CDH13: variants seen among roughly 807,000 people sequenced by gnomAD.
CDH13 encodes cadherin-13.
In CDH13, 24 loss-of-function variants were observed where a neutral mutation model predicts 63.8. The ratio of observed to expected loss-of-function variants is 0.38; its 90% CI spans 0.27 to 0.53. The LOEUF (loss-of-function observed/expected upper bound fraction) is 0.53, where lower values mean the gene tolerates loss of function less well. CDH13 is among the 20% of genes least tolerant of loss of function. The probability of loss-of-function intolerance (pLI) is 0.85; values close to 1 mark genes in which losing one functional copy is unlikely to be tolerated. For synonymous variants in CDH13, 503 were observed against 355.3 expected, an observed-to-expected ratio of 1.42 and a Z score of -4.67; for missense variants, 1,049 against 903.1, an observed-to-expected ratio of 1.16 and a Z score of -2.07.
chr16:82,972,434 C>T (rs1908896304), intron 2 of CDH13, among the ~76,000 whole-genome samples: 1 of 152,180 alleles, frequency 6.6e-6, no homozygotes, highest in African/African-American at 2.4e-5. Context: ...CACAGCCCAG[C>T]ATCTCATCTC....
chr16:82,966,413 T>C (rs1327993709), intron 2 of CDH13, among the ~76,000 whole-genome samples: 2 of 152,150 alleles, frequency 1.3e-5, no homozygotes, highest in Admixed American at 6.5e-5. Context: ...TCCCAAAGTG[T>C]TGGGATTACA....
chr16:83,391,256 A>G (rs1315620478), intron 6 of CDH13, among the ~76,000 whole-genome samples: 1 of 150,854 alleles, frequency 6.6e-6, no homozygotes, highest in South Asian at 2.1e-4. Context: ...CCCAGGATGG[A>G]CTGCAATAAC....
Position 82,644,127 on chromosome 16 carries a change from C to T in CDH13, c.45+16990C>T, listed in dbSNP as rs753206191. Among the ~76,000 whole-genome samples, 1 of 152,066 alleles carries T rather than the reference C, an allele frequency of 6.6e-6. No homozygotes were observed. The highest frequency in any genetic ancestry group is 1.5e-5 in the Non-Finnish European group (1 of 68,026). On this transcript the variant is annotated intron_variant, in intron 1 of 13. Coordinates refer to ENST00000567109, the MANE Select transcript of CDH13 (RefSeq NM_001257.5). The surrounding 1 kb of genome is among the most constrained non-coding windows in gnomAD (Gnocchi z 5.7). ...TTGATATGCTAATTGTCATTGTACTCAAGTTGATAGCAGATTGCTGAAGGA... is the reference window on the plus strand; with the variant it reads ...TTGATATGCTAATTGTCATTGTACTTAAGTTGATAGCAGATTGCTGAAGGA...
intron 2 of CDH13, among the ~76,000 whole-genome samples, chr16:82,960,847 G>A (rs773512114): frequency 6.6e-6 from 1 of 152,086 alleles, no homozygotes; most frequent in Non-Finnish European, 1.5e-5. Flanking sequence ...ATACAAATAA[G>A]TCTATTGTGA....
intron 4 of CDH13, among the ~76,000 whole-genome samples, chr16:83,151,855 A>G (rs547697602): frequency 6.6e-6 from 1 of 152,252 alleles, no homozygotes; most frequent in East Asian, 1.9e-4. Flanking sequence ...CCAGCTACTC[A>G]GGAGGCTGAG....
intron 11 of CDH13, among the ~76,000 whole-genome samples, chr16:83,768,722 C>T (rs1160153506): frequency 6.6e-6 from 1 of 152,046 alleles, no homozygotes; most frequent in Admixed American, 6.6e-5. Context: ...TATAGGGTAA[C>T]TTCCTGATGT....
At chr16:82,716,091 G>A (rs1176807430) in intron 1 of CDH13, among the ~76,000 whole-genome samples, 3 of 152,200 alleles carry the variant, frequency 2.0e-5, no homozygotes, top group African/African-American at 7.2e-5. Context: ...TGAGTCCTTA[G>A]GACACAGAAG....
intron 1 of CDH13, among the ~76,000 whole-genome samples, chr16:82,670,145 C>T (rs897505354): frequency 6.6e-6 from 1 of 152,114 alleles, no homozygotes; most frequent in African/African-American, 2.4e-5. Context: ...CACTCCAGTG[C>T]CTGAGAATTT....
intron 2 of CDH13, among the ~76,000 whole-genome samples, chr16:82,941,434 C>T (rs1371245586): frequency 6.6e-6 from 1 of 152,184 alleles, no homozygotes; most frequent in Non-Finnish European, 1.5e-5. Context: ...CCCCTCCTAG[C>T]TCTAAGATCA....
intron 1 of CDH13, among the ~76,000 whole-genome samples, chr16:82,678,717 G>GTACATTAA (rs1914214321): frequency 6.6e-6 from 1 of 152,190 alleles, no homozygotes; most frequent in African/African-American, 2.4e-5. Flanking sequence ...CACAGTTTAA[G>GTACATTAA]GAGACAGTAA....
chr16:83,344,164 C>T (rs1567605848), intron 5 of CDH13, among the ~76,000 whole-genome samples: 2 of 152,218 alleles, frequency 1.3e-5, no homozygotes, highest in Admixed American at 6.5e-5. Flanking sequence ...AAAATGTGCG[C>T]ATAAGGTCCC....
At chr16:83,389,930 C>A (rs8052595) in intron 6 of CDH13, among the ~76,000 whole-genome samples, 1 of 152,004 alleles carries the variant, frequency 6.6e-6, no homozygotes, top group Non-Finnish European at 1.5e-5. Context: ...GTCTCTCCAA[C>A]GCTTTAACTA....
intron 11 of CDH13, among the ~76,000 whole-genome samples, chr16:83,761,878 C>T (rs1833972): frequency 0.26 from 39,957 of 151,766 alleles, 5,441 homozygotes; most frequent in Non-Finnish European, 0.31. Flanking sequence ...ACCAGCCAGG[C>T]CAACATGGTG....
At chr16:83,592,834 T>C (rs1167509631) in intron 7 of CDH13, among the ~76,000 whole-genome samples, 1 of 152,196 alleles carries the variant, frequency 6.6e-6, no homozygotes, top group Non-Finnish European at 1.5e-5. Context: ...ATGTTCACAT[T>C]CGTACCAAGA....
At chr16:83,231,759 G>A (rs2040003846) in intron 5 of CDH13, among the ~76,000 whole-genome samples, 1 of 152,138 alleles carries the variant, frequency 6.6e-6, no homozygotes, top group Non-Finnish European at 1.5e-5. Context: ...CGGACTAGAT[G>A]AACCCTGGTA....
chr16:82,701,983 G>A (rs2031067634), intron 1 of CDH13, among the ~76,000 whole-genome samples: 1 of 152,180 alleles, frequency 6.6e-6, no homozygotes, highest in African/African-American at 2.4e-5. Flanking sequence ...GCAAGGACAT[G>A]AATAAGCGGC....
At chr16:82,714,563 A>T (rs2032209624) in intron 1 of CDH13, among the ~76,000 whole-genome samples, 1 of 151,428 alleles carries the variant, frequency 6.6e-6, no homozygotes, top group Admixed American at 6.6e-5. Flanking sequence ...AAAATATATA[A>T]ATTAGCTGGG....
chr16:83,113,891 C>A (rs1400868293), intron 3 of CDH13, among the ~76,000 whole-genome samples: 1 of 152,160 alleles, frequency 6.6e-6, no homozygotes, highest in Admixed American at 6.5e-5. Flanking sequence ...CTGGATCTTC[C>A]TGGCCTTAGG....
intron 1 of CDH13, among the ~76,000 whole-genome samples, chr16:82,669,682 G>A (rs1191485497): frequency 6.6e-6 from 1 of 152,176 alleles, no homozygotes; most frequent in Non-Finnish European, 1.5e-5. Context: ...TGATTAGTTG[G>A]CAAACCTTTT....
Sources: allele counts gnomAD v4.1 joint callset (sites outside exome capture counted in the v4.1 genomes callset), GRCh38; gene constraint gnomAD v4.1.1; non-coding constraint Gnocchi (gnomAD v3.1); transcripts MANE v1.5; gene names NCBI Gene and HGNC (gene_info 2026-07-23, HGNC 2026-07-21).